The following INTS7 variants were observed in gnomAD, a reference collection of about 807,000 sequenced individuals.
INTS7 encodes chromosome 1 open reading frame 73.
INTS7 carries 46 observed loss-of-function variants against 109.2 expected under a neutral mutation model. That is an observed-to-expected ratio of 0.42 (90% CI 0.33 to 0.54). INTS7 has a LOEUF of 0.54. INTS7 is among the 20% of genes least tolerant of loss of function. The pLI, the probability that INTS7 is intolerant of heterozygous loss-of-function variation, is 0.07. For synonymous variants in INTS7, 412 were observed against 402.9 expected, an observed-to-expected ratio of 1.02 and a Z score of -0.27; for missense variants, 929 against 1,132.4, an observed-to-expected ratio of 0.82 and a Z score of 2.58.
At chr1:211,947,810 T>C (rs1025703785) in intron 17 of INTS7, among the ~76,000 whole-genome samples, 3 of 152,228 alleles carry the variant, frequency 2.0e-5, no homozygotes, top group African/African-American at 7.2e-5. Flanking sequence ...TGTGGACTTC[T>C]GAGTAAAAGG....
chr1:212,006,876 C>T (rs1406451960), intron 6 of INTS7, 115 bp from the exon 7 acceptor site: 2 of 780,664 alleles, frequency 2.6e-6, no homozygotes, highest in African/African-American at 1.7e-5. Context: ...AATCAGAGCC[C>T]TGTCACTCAC....
intron 2 of INTS7, chr1:212,020,705 T>TG: frequency 9.9e-7 from 1 of 1,006,800 alleles, no homozygotes. Flanking sequence ...CAAATAGGCA[T>TG]GTATTCAGTG....
At chr1:211,986,262 G>A (rs1030926415) in intron 8 of INTS7, among the ~76,000 whole-genome samples, 2 of 151,982 alleles carry the variant, frequency 1.3e-5, no homozygotes, top group African/African-American at 4.8e-5. Context: ...TCCAATCCTG[G>A]TCATACATGA....
intron 7 of INTS7, among the ~76,000 whole-genome samples, chr1:211,996,557 T>C (rs1051404235): frequency 4.0e-5 from 6 of 151,770 alleles, no homozygotes; most frequent in African/African-American, 1.5e-4. Context: ...CCAACAAATA[T>C]GGAAAATTAA....
At chr1:211,991,221 A>G (rs576078333) in intron 7 of INTS7, among the ~76,000 whole-genome samples, 1 of 152,250 alleles carries the variant, frequency 6.6e-6, no homozygotes, top group Non-Finnish European at 1.5e-5. Context: ...AGGATGAGAT[A>G]TGAAGTCCAA....
At chr1:211,969,128 CA>C (rs961456245) in intron 13 of INTS7, among the ~76,000 whole-genome samples, 1 of 151,746 alleles carries the variant, frequency 6.6e-6, no homozygotes, top group Non-Finnish European at 1.5e-5. Flanking sequence ...ATTAAAAATA[CA>C]AAAAAATTAG....
chr1:211,978,146 G>A, intron 11 of INTS7, 126 bp downstream of exon 11: 1 of 1,093,892 alleles, frequency 9.1e-7, no homozygotes, highest in Non-Finnish European at 1.3e-6. Flanking sequence ...TTGGTCTTAG[G>A]TAATGAATTT....
intron 10 of INTS7, among the ~76,000 whole-genome samples, chr1:211,979,134 C>CTAGAAA (rs1304215461): frequency 1.3e-5 from 2 of 152,184 alleles, no homozygotes; most frequent in Non-Finnish European, 2.9e-5. Flanking sequence ...AACTAGAAAC[C>CTAGAAA]TAGAAATATT....
chr1:212,029,712 A>G (rs1333201277), intron 1 of INTS7, among the ~76,000 whole-genome samples: 1 of 152,260 alleles, frequency 6.6e-6, no homozygotes, highest in Non-Finnish European at 1.5e-5. Flanking sequence ...ACAATTTAGG[A>G]CAATTTGTGA....
chr1:211,997,598 G>A (rs1177151513), intron 7 of INTS7, among the ~76,000 whole-genome samples: 1 of 150,942 alleles, frequency 6.6e-6, no homozygotes, highest in Non-Finnish European at 1.5e-5. Context: ...AATACTATTG[G>A]CCAGGCACAG....
intron 1 of INTS7, among the ~76,000 whole-genome samples, chr1:212,034,380 T>C (rs1667322738): frequency 1.3e-5 from 2 of 152,144 alleles, no homozygotes; most frequent in South Asian, 4.1e-4. Context: ...AAAAAGTTAA[T>C]AGACATGTCC....
intron 13 of INTS7, among the ~76,000 whole-genome samples, chr1:211,971,056 C>G (rs995238309): frequency 6.6e-6 from 1 of 152,156 alleles, no homozygotes; most frequent in Non-Finnish European, 1.5e-5. Flanking sequence ...CAAATTGGAG[C>G]AGGGGGAAGA....
chr1:212,029,697 C>T (rs1309578986), intron 1 of INTS7, among the ~76,000 whole-genome samples: 1 of 152,166 alleles, frequency 6.6e-6, no homozygotes, highest in Admixed American at 6.5e-5. Context: ...CATTACCAAA[C>T]AAACACAATT....
At chr1:211,967,569 G>C (rs1663951993) in intron 15 of INTS7, among the ~76,000 whole-genome samples, 2 of 152,054 alleles carry the variant, frequency 1.3e-5, no homozygotes, top group South Asian at 4.1e-4. Flanking sequence ...ATGTTCTTTG[G>C]TGGGAAAATG....
chr1:211,949,835 C>T (rs1246721617), intron 17 of INTS7, among the ~76,000 whole-genome samples: 1 of 152,222 alleles, frequency 6.6e-6, no homozygotes, highest in Non-Finnish European at 1.5e-5. Flanking sequence ...AATCCCTAGC[C>T]TGTATGTTAC....
At chr1:211,947,448 T>C (rs1320541) in intron 17 of INTS7, among the ~76,000 whole-genome samples, 1,618 of 152,268 alleles carry the variant, frequency 0.011, 28 homozygotes, top group African/African-American at 0.037. Context: ...AGAACACTTT[T>C]AACTTCAGGT....
intron 1 of INTS7, among the ~76,000 whole-genome samples, chr1:212,028,162 A>C (rs1257661268): frequency 6.6e-6 from 1 of 152,178 alleles, no homozygotes; most frequent in Non-Finnish European, 1.5e-5. Context: ...CTGCCACTTG[A>C]TAACTTATTT....
chr1:212,001,952 T>G (rs1185545114), intron 7 of INTS7, among the ~76,000 whole-genome samples: 2 of 152,170 alleles, frequency 1.3e-5, no homozygotes, highest in Non-Finnish European at 1.5e-5. Context: ...AACTGACAAC[T>G]CTCATATTTA....
chr1:211,964,887 T>A (rs1461391050), intron 16 of INTS7, among the ~76,000 whole-genome samples: 1 of 151,732 alleles, frequency 6.6e-6, no homozygotes, highest in Non-Finnish European at 1.5e-5. Context: ...CCTTCAGGAC[T>A]AGGCATGGGC....
Sources: allele counts gnomAD v4.1 joint callset (sites outside exome capture counted in the v4.1 genomes callset), GRCh38; gene constraint gnomAD v4.1.1; transcripts MANE v1.5; gene names NCBI Gene and HGNC (gene_info 2026-07-23, HGNC 2026-07-21).